The following KRT76 variants were observed in gnomAD, a reference collection of about 807,000 sequenced individuals.
KRT76 encodes keratin, type II cytoskeletal 2 oral.
A neutral mutation model predicts 44.9 loss-of-function variants in KRT76; 47 were observed. The ratio of observed to expected loss-of-function variants is 1.05; its 90% CI spans 0.83 to 1.33. The LOEUF is 1.33. Among genes scored for constraint, KRT76 ranks in the 40% most tolerant of loss-of-function variants. The probability of loss-of-function intolerance (pLI) is 0.00; values close to 1 mark genes in which losing one functional copy is unlikely to be tolerated. For synonymous variants in KRT76, 331 were observed against 294.1 expected, an observed-to-expected ratio of 1.13 and a Z score of -1.28; for missense variants, 860 against 775.8, an observed-to-expected ratio of 1.11 and a Z score of -1.29.
At chr12:52,775,627 A>T (rs772626759) in intron 1 of KRT76, 25 bp from the exon 2 acceptor site, 30 of 1,601,792 alleles carry the variant, frequency 1.9e-5, no homozygotes, top group Non-Finnish European at 2.5e-5. Context: ...GGAGAAAAGG[A>T]GTCAGCCCCT....
chr12:52,771,169 C>G lies in KRT76; in HGVS notation c.1314G>C (p.Met438Ile), dbSNP rs1939175641. 1.2e-6 allele frequency: 2 copies of G among 1,614,060 alleles called. No homozygotes were observed. Among genetic ancestry groups the G allele is most frequent in the African/African-American group, 2.7e-5 (2 of 74,918 alleles). The part of the protein sequence containing the change: ...AIAEAEQRGE[M>I]ALKDANAKLQ... ...GCTTGGCATTGGCGTCCTTGAGGGC[C>G]ATCTCTCCACGCTGCTCAGCCTCTG... Residue 438 changes from methionine to isoleucine, a missense_variant, in exon 7 of 9, where the codon ATG becomes ATC. Met to Ile is a conservative substitution (Grantham distance 10, BLOSUM62 1). Transcript: ENST00000332411.
chr12:52,768,482 G>A lies in KRT76; in HGVS notation c.*231C>T, dbSNP rs960789714. On this transcript the variant is annotated 3_prime_UTR_variant, in exon 9 of 9. Coordinates refer to ENST00000332411, the MANE Select transcript of KRT76 (RefSeq NM_015848.4). ...CAGGGGTTGCTGTCCAAAGTAAGGGGCCATTGCAGGAAGGTTTCCAGGGGC... is the reference window on the plus strand; with the variant it reads ...CAGGGGTTGCTGTCCAAAGTAAGGGACCATTGCAGGAAGGTTTCCAGGGGC... 1.5e-4 allele frequency: 77 copies of A among 499,880 alleles called. No individual in the cohort carries two copies. Among genetic ancestry groups the A allele is most frequent in the African/African-American group, 1.4e-3 (75 of 52,550 alleles). The allele number at this position is 499,880 out of a possible 1,614,324, so 31.0% of individuals were successfully genotyped here.
chr12:52,768,565 G>T lies in KRT76; in HGVS notation c.*148C>A. The T allele has an allele frequency of 1.1e-6, 1 of 906,778 alleles. No individual in the cohort carries two copies. Among genetic ancestry groups the T allele is most frequent in the Admixed American group, 2.3e-5 (1 of 43,382 alleles). 56.2% of individuals were successfully genotyped at this position (906,778 alleles called of 1,614,324 possible). On this transcript the variant is annotated 3_prime_UTR_variant, in exon 9 of 9. Coordinates refer to ENST00000332411, the MANE Select transcript of KRT76 (RefSeq NM_015848.4). Reference sequence around the variant, plus strand: ...TGGCCCTGGGAAGGTCATGGGGATGGAGAAACCAGGAGTTCAGCTTCTTCT... The same window carrying T: ...TGGCCCTGGGAAGGTCATGGGGATGTAGAAACCAGGAGTTCAGCTTCTTCT...
intron 3 of KRT76, 94 bp downstream of exon 3, chr12:52,773,488 G>C: frequency 1.2e-6 from 1 of 807,516 alleles, no homozygotes. Flanking sequence ...CACAATATAA[G>C]GTCCCTGTGC....
Position 52,771,085 on chromosome 12 carries a change from A to C in KRT76, c.1398T>G (p.Arg466=). The C allele has an allele frequency of 6.2e-7, 1 of 1,614,098 alleles. No homozygotes were observed. The highest frequency in any genetic ancestry group is 8.5e-7 in the Non-Finnish European group (1 of 1,180,010). The change falls in exon 7 of 9, where the codon CGT becomes CGG. Residue 466 remains arginine, a synonymous_variant. Transcript: ENST00000332411. The part of the protein sequence containing the change: ...KAKDDLARLL[R]DYQELMNVKL... ...TGACGTTCATCAGCTCCTGGTAGTC[A>C]CGCAGGAGCCGAGCCAGGTCATCCT...
chr12:52,772,053 T>C, intron 5 of KRT76, 41 bp downstream of exon 5: 1 of 1,607,792 alleles, frequency 6.2e-7, no homozygotes, highest in South Asian at 1.1e-5. Context: ...ACATTCTCAA[T>C]GAAGGTCATC....
chr12:52,777,106 GCCC>G lies in KRT76; in HGVS notation c.183_185del (p.Gly62del). The G allele has an allele frequency of 6.2e-7, 1 of 1,614,212 alleles. No homozygotes were observed. The highest frequency in any genetic ancestry group is 8.5e-7 in the Non-Finnish European group (1 of 1,180,042). ...CGCTGATGGAGATGCTCTTGTTGCT[GCCC>G]AGGTTGTAGAGGCTGCGACTGCCAA... On this transcript the variant is annotated inframe_deletion, in exon 1 of 9. Transcript: ENST00000332411.
intron 4 of KRT76, 150 bp from the exon 5 acceptor site, chr12:52,772,408 G>A (rs6580905): frequency 0.52 from 360,184 of 691,826 alleles, 97,859 homozygotes; most frequent in Non-Finnish European, 0.57. Flanking sequence ...CAGCCTAAAG[G>A]ATGTTAGACA....
rs377202243 is a variant in KRT76, at chr12:52,776,973, C to G, written c.319G>C (p.Gly107Arg). The G allele has an allele frequency of 1.9e-6, 3 of 1,613,830 alleles. No individual in the cohort carries two copies. The highest frequency in any genetic ancestry group is 2.2e-5 in the East Asian group (1 of 44,882). ...CCACTACCTACTCCTCTGCCACCACCAAAGCCACCACCATAGCTGCCCCCA... is the reference window on the plus strand; with the variant it reads ...CCACTACCTACTCCTCTGCCACCACGAAAGCCACCACCATAGCTGCCCCCA... ...GFGGSYGGGF[G>R]GGRGVGSGFG... Residue 107 changes from glycine (G) to arginine (R), a missense_variant, in exon 1 of 9, where the codon GGT (glycine) becomes CGT (arginine). By Grantham distance (125) the Gly-to-Arg change is moderately radical. Transcript: ENST00000332411.
intron 1 of KRT76, 139 bp downstream of exon 1, chr12:52,776,553 T>C: frequency 1.5e-6 from 2 of 1,362,640 alleles, no homozygotes; most frequent in Non-Finnish European, 2.0e-6. Context: ...GCATGATCAC[T>C]GTCCTGTAGG....
chr12:52,769,616 G>A lies in KRT76; in HGVS notation c.1485-33C>T, dbSNP rs765575738. 38 of 1,599,954 alleles carry A rather than the reference G, an allele frequency of 2.4e-5. No homozygotes were observed. The East Asian group carries it at 7.4e-4, about 31-fold the overall frequency. The stretch of plus-strand genomic sequence containing the variant: ...GGAAGAGGAGAGGTGAATTCTTTCT[G>A]TTATGAGTCAATAACCAAAGAGTTG... On this transcript the variant is annotated intron_variant, in intron 7 of 8. Coordinates refer to ENST00000332411, the MANE Select transcript of KRT76 (RefSeq NM_015848.4).
chr12:52,773,731 CAG>C (rs1939220771), intron 2 of KRT76, 89 bp from the exon 3 acceptor site: 1 of 1,103,406 alleles, frequency 9.1e-7, no homozygotes, highest in Non-Finnish European at 1.4e-6. Context: ...CTCACCTGCG[CAG>C]AGACAGGACG....
chr12:52,771,151 A>T lies in KRT76; in HGVS notation c.1332T>A (p.Asn444Lys). 1.9e-6 allele frequency: 3 copies of T among 1,614,116 alleles called. No individual in the cohort carries two copies. Among genetic ancestry groups the T allele is most frequent in the Non-Finnish European group, 2.5e-6 (3 of 1,180,020 alleles). ...QRGEMALKDA[N>K]AKLQDLQTAL... ...CAGTCTGCAAGTCTTGGAGCTTGGC[A>T]TTGGCGTCCTTGAGGGCCATCTCTC... Residue 444 changes from asparagine (N) to lysine (K), a missense_variant, in exon 7 of 9, where the codon AAT (asparagine) becomes AAA (lysine). Physicochemically the swap from Asn to Lys is moderately conservative, Grantham distance 94. Coordinates refer to ENST00000332411, the MANE Select transcript of KRT76 (RefSeq NM_015848.4).
chr12:52,769,471 C>T (rs1354674121), intron 8 of KRT76, 78 bp downstream of exon 8: 17 of 1,279,432 alleles, frequency 1.3e-5, no homozygotes, highest in East Asian at 9.2e-5. Flanking sequence ...GCCTTCTTGC[C>T]TGAAGGTCAG....
In KRT76 at chr12:52,775,412, T is replaced by C; in HGVS notation, c.791A>G (p.Asp264Gly). Residue 264 changes from aspartate to glycine, a missense_variant, in exon 2 of 9, where the codon GAC becomes GGC. Coordinates refer to ENST00000332411, the MANE Select transcript of KRT76 (RefSeq NM_015848.4). Reference sequence around the variant, plus strand: ...CTTCTTTTTGAAGTCTTCCACCAGGTCCTGCATGCTTTTCAGCTCTCCCTC... The same window carrying C: ...CTTCTTTTTGAAGTCTTCCACCAGGCCCTGCATGCTTTTCAGCTCTCCCTC... ...NLEGELKSMQ[D>G]LVEDFKKKYE... 6.2e-7 allele frequency: 1 copy of C among 1,614,192 alleles called. No homozygotes were observed.
chr12:52,770,621 C>T (rs1395341073), intron 7 of KRT76, among the ~76,000 whole-genome samples: 1 of 152,050 alleles, frequency 6.6e-6, no homozygotes, highest in Non-Finnish European at 1.5e-5. Flanking sequence ...TTGCACTAGC[C>T]ACATTTCCAG....
chr12:52,769,309 A>T (rs1939143242), intron 8 of KRT76, among the ~76,000 whole-genome samples, 199 bp from the exon 9 acceptor site: 1 of 152,118 alleles, frequency 6.6e-6, no homozygotes, highest in African/African-American at 2.4e-5. Context: ...ATCTACAGAA[A>T]TTTCTGGTTT....
intron 2 of KRT76, among the ~76,000 whole-genome samples, chr12:52,774,465 T>C (rs1029375313): frequency 3.9e-5 from 6 of 152,346 alleles, no homozygotes; most frequent in Middle Eastern, 3.4e-3. Context: ...AAGAAAGAAT[T>C]CATACCTTCT....
chr12:52,769,053 A>T lies in KRT76; in HGVS notation c.1577T>A (p.Phe526Tyr). ...ACTGCCACTGCCACTGACCCCTCCAAAAACTCCACGGCTACTGCCAGAGCT... is the reference window on the plus strand; with the variant it reads ...ACTGCCACTGCCACTGACCCCTCCATAAACTCCACGGCTACTGCCAGAGCT... ...SGSSGSSRGV[F>Y]GGVSGSGSGG... Residue 526 changes from phenylalanine (F) to tyrosine (Y), a missense_variant, in exon 9 of 9, where the codon TTT becomes TAT. By Grantham distance (22) the Phe-to-Tyr change is conservative. Transcript: ENST00000332411. The T allele has an allele frequency of 9.5e-6, 7 of 737,056 alleles. No individual in the cohort carries two copies. Among genetic ancestry groups the T allele is most frequent in the Non-Finnish European group, 1.7e-5 (7 of 402,104 alleles). The allele number at this position is 737,056 out of a possible 1,614,324, so 45.7% of individuals were successfully genotyped here.
Sources: allele counts gnomAD v4.1 joint callset (sites outside exome capture counted in the v4.1 genomes callset), GRCh38; gene constraint gnomAD v4.1.1; transcripts MANE v1.5; gene names NCBI Gene and HGNC (gene_info 2026-07-23, HGNC 2026-07-21).